Variants in OPHN1 observed in about 807,000 individuals in gnomAD.
The protein encoded by OPHN1 is oligophrenin-1.
Under a neutral mutation model 60.7 loss-of-function variants are expected in OPHN1, and 11 were observed. The observed-to-expected ratio is 0.18, with a 90% CI of 0.11 to 0.30. The LOEUF is 0.30. Ranked by LOEUF, OPHN1 falls within the 10% of genes least tolerant of loss-of-function variation. OPHN1 has a pLI of 1.00. For synonymous variants in OPHN1, 226 were observed against 222.6 expected, an observed-to-expected ratio of 1.02 and a Z score of -0.14; for missense variants, 449 against 611.0, an observed-to-expected ratio of 0.73 and a Z score of 2.80.
intron 3 of OPHN1, among the ~76,000 whole-genome samples, chrX:68,293,004 A>G (rs1209513809): frequency 1.8e-5 from 2 of 112,223 alleles, no homozygotes; most frequent in Non-Finnish European, 3.8e-5. Context: ...CTGACATATG[A>G]GCTTAAGAGC....
chrX:68,392,970 T>C (rs1470925146), intron 2 of OPHN1, among the ~76,000 whole-genome samples: 1 of 111,664 alleles, frequency 9.0e-6, no homozygotes, highest in East Asian at 2.9e-4. Context: ...GAGCTCGGGA[T>C]ACAGAAAGCT....
intron 5 of OPHN1, among the ~76,000 whole-genome samples, chrX:68,269,464 C>G (rs2077953949): frequency 9.0e-6 from 1 of 111,416 alleles, no homozygotes; most frequent in African/African-American, 3.3e-5. Flanking sequence ...CTTTGACAAA[C>G]CTGACAAAAA....
At chrX:68,228,935 T>C (rs1326737869) in intron 6 of OPHN1, among the ~76,000 whole-genome samples, 1 of 110,085 alleles carries the variant, frequency 9.1e-6, no homozygotes, top group African/African-American at 3.3e-5. Flanking sequence ...GAGAAAGAAA[T>C]AAAGGGTATT....
intron 15 of OPHN1, 53 bp downstream of exon 15, chrX:68,192,866 C>G (rs2077495207): frequency 3.1e-6 from 3 of 954,477 alleles, no homozygotes; most frequent in Non-Finnish European, 4.5e-6. Flanking sequence ...AGTCACATTT[C>G]TTTGTAACAC....
chrX:68,045,224 T>A lies in OPHN1; in HGVS notation c.*1948A>T, dbSNP rs2076828579. ...ACCTGGCCTTTGAGACTGGGTACAG[T>A]GGAGTGAGTTCAACCGGGCCACCTG... On this transcript the variant is annotated 3_prime_UTR_variant, in exon 25 of 25. Transcript: ENST00000355520. The A allele has an allele frequency of 9.0e-6, 1 of 111,574 alleles. No individual in the cohort carries two copies. The highest frequency in any genetic ancestry group is 1.9e-5 in the Non-Finnish European group (1 of 53,069). The allele number at this position is 111,574 out of a possible 1,213,427, so 9.2% of individuals were successfully genotyped here.
At chrX:68,344,639 T>A (rs7883879) in intron 2 of OPHN1, among the ~76,000 whole-genome samples, 28,007 of 109,335 alleles carry the variant, frequency 0.26, 3,798 homozygotes, top group African/African-American at 0.52. Context: ...CTTTGGGAAG[T>A]CAAGGAGGGA....
intron 19 of OPHN1, among the ~76,000 whole-genome samples, chrX:68,089,101 C>A (rs1356643318): frequency 5.4e-5 from 6 of 111,165 alleles, no homozygotes; most frequent in Non-Finnish European, 1.1e-4. Context: ...TTCTGAAATT[C>A]CTATTGGCCT....
chrX:68,088,737 C>T (rs2077004805), intron 19 of OPHN1, among the ~76,000 whole-genome samples: 1 of 110,226 alleles, frequency 9.1e-6, no homozygotes, highest in South Asian at 4.0e-4. Context: ...ATCTCAATGA[C>T]TCCTCCCAAA....
chrX:68,103,732 G>A (rs1332226732), intron 18 of OPHN1, among the ~76,000 whole-genome samples: 2 of 110,783 alleles, frequency 1.8e-5, no homozygotes, highest in Admixed American at 9.6e-5. Flanking sequence ...ATGGGCAAAA[G>A]CTGGAAGCAT....
chrX:68,305,289 T>G (rs746337958), intron 2 of OPHN1, among the ~76,000 whole-genome samples: 1 of 111,363 alleles, frequency 9.0e-6, no homozygotes, highest in East Asian at 2.8e-4. Flanking sequence ...GAGGCTGAAG[T>G]GGCAAGAGGT....
intron 2 of OPHN1, among the ~76,000 whole-genome samples, chrX:68,422,373 A>G (rs907800360): frequency 8.3e-5 from 9 of 108,453 alleles, no homozygotes; most frequent in Admixed American, 4.0e-4. Context: ...AAATTTAAAA[A>G]TTAGCCAGGC....
At chrX:68,133,297 A>T (rs2077205645) in intron 15 of OPHN1, 1 of 611,080 alleles carries the variant, frequency 1.6e-6, no homozygotes, top group African/African-American at 2.2e-5. Context: ...AGTGTGTCTT[A>T]GACTATGAAG....
intron 15 of OPHN1, among the ~76,000 whole-genome samples, chrX:68,160,148 A>C (rs1029856642): frequency 1.3e-4 from 14 of 110,481 alleles, no homozygotes; most frequent in African/African-American, 4.3e-4. Context: ...ATAGAAAAAA[A>C]TGGACTTCAA....
At chrX:68,403,650 C>T (rs191893251) in intron 2 of OPHN1, among the ~76,000 whole-genome samples, 1 of 110,302 alleles carries the variant, frequency 9.1e-6, no homozygotes, top group Non-Finnish European at 1.9e-5. Context: ...AAATAAACGT[C>T]CCTATCATAG....
intron 18 of OPHN1, among the ~76,000 whole-genome samples, chrX:68,102,438 G>A (rs2077063572): frequency 1.8e-5 from 2 of 111,391 alleles, no homozygotes; most frequent in Non-Finnish European, 3.8e-5. Flanking sequence ...ATACAAAATC[G>A]AAACACTAAC....
At chrX:68,265,708 C>T (rs2147575217) in intron 5 of OPHN1, among the ~76,000 whole-genome samples, 1 of 111,577 alleles carries the variant, frequency 9.0e-6, no homozygotes, top group African/African-American at 3.3e-5. Context: ...GAGAAGAAGG[C>T]TTCAGATGAT....
At chrX:68,151,508 A>C in intron 15 of OPHN1, among the ~76,000 whole-genome samples, 1 of 111,944 alleles carries the variant, frequency 8.9e-6, no homozygotes, top group Admixed American at 9.4e-5. Flanking sequence ...TCAACCTGTT[A>C]TGATTTTATC....
At chrX:68,083,943 A>G (rs1407996639) in intron 19 of OPHN1, among the ~76,000 whole-genome samples, 1 of 110,921 alleles carries the variant, frequency 9.0e-6, no homozygotes, top group African/African-American at 3.3e-5. Context: ...CCGCAAAACA[A>G]TTACATAGTA....
intron 2 of OPHN1, among the ~76,000 whole-genome samples, chrX:68,334,088 G>C (rs1368723790): frequency 9.1e-6 from 1 of 109,445 alleles, no homozygotes; most frequent in Non-Finnish European, 1.9e-5. Flanking sequence ...AGTAGAGATG[G>C]GTTTTCGCCA....
Sources: allele counts gnomAD v4.1 joint callset (sites outside exome capture counted in the v4.1 genomes callset), GRCh38; gene constraint gnomAD v4.1.1; transcripts MANE v1.5; gene names NCBI Gene and HGNC (gene_info 2026-07-23, HGNC 2026-07-21).